Variants in ASIC2 observed in about 807,000 individuals in gnomAD.
ASIC2 encodes acid-sensing ion channel 2.
A neutral mutation model predicts 57.3 loss-of-function variants in ASIC2; 25 were observed. The ratio of observed to expected loss-of-function variants is 0.44; its 90% CI spans 0.32 to 0.61. The LOEUF (loss-of-function observed/expected upper bound fraction) is 0.61, where lower values mean the gene tolerates loss of function less well. ASIC2 is among the 20% of genes least tolerant of loss of function. ASIC2 has a pLI of 0.06. For missense variants in ASIC2, 641 were observed against 738.1 expected (o/e 0.87, Z 1.52); for synonymous variants, 319 against 307.5 (o/e 1.04, Z -0.39).
chr17:33,531,830 C>G (rs1263544905), intron 1 of ASIC2, among the ~76,000 whole-genome samples: 1 of 152,072 alleles, frequency 6.6e-6, no homozygotes, highest in Non-Finnish European at 1.5e-5. Context: ...GAAGCGTTTC[C>G]CTGACTGTCT....
At chr17:33,040,610 T>A (rs1430206061) in intron 3 of ASIC2, among the ~76,000 whole-genome samples, 1 of 152,222 alleles carries the variant, frequency 6.6e-6, no homozygotes, top group East Asian at 1.9e-4. Context: ...CAGAACATGC[T>A]TTCTTCCTTT....
chr17:33,693,371 G>A (rs8069302), intron 1 of ASIC2, among the ~76,000 whole-genome samples: 1 of 152,132 alleles, frequency 6.6e-6, no homozygotes, highest in Non-Finnish European at 1.5e-5. Context: ...CTTGGCCTGA[G>A]CTTGATTACT....
At chr17:33,161,214 G>A (rs1256955973) in intron 1 of ASIC2, among the ~76,000 whole-genome samples, 1 of 152,212 alleles carries the variant, frequency 6.6e-6, no homozygotes, top group Non-Finnish European at 1.5e-5. Context: ...TCCTGCTGGA[G>A]TGAGTAAGAG....
At chr17:34,055,038 T>C (rs1466115774) in intron 1 of ASIC2, among the ~76,000 whole-genome samples, 1 of 152,116 alleles carries the variant, frequency 6.6e-6, no homozygotes, top group African/African-American at 2.4e-5. Context: ...CTTGGCATAC[T>C]TAGCTACCTC....
At chr17:33,399,620 A>G (rs1299768920) in intron 1 of ASIC2, among the ~76,000 whole-genome samples, 3 of 152,196 alleles carry the variant, frequency 2.0e-5, no homozygotes, top group African/African-American at 7.2e-5. Flanking sequence ...ATCAGTCACT[A>G]TGAATCAGCT....
In ASIC2 at chr17:33,462,349, G is replaced by A. The variant is rs35828215; in HGVS notation, c.556-350282C>T. 3.3e-4 allele frequency among the ~76,000 whole-genome samples: 51 copies of A among 152,318 alleles called. 2 individuals are homozygous for A. The highest frequency in any genetic ancestry group is 9.8e-4 in the Admixed American group (15 of 15,304). On this transcript the variant is annotated intron_variant, in intron 1 of 9. Coordinates refer to the ASIC2 transcript ENST00000359872. ...CTAAATTCTAGTCAAAACAGGATAT[G>A]AGTGGAAGAGATGTTTGATTATATT...
At chr17:34,091,306 A>G (rs1910322126) in intron 1 of ASIC2, among the ~76,000 whole-genome samples, 1 of 152,240 alleles carries the variant, frequency 6.6e-6, no homozygotes, top group South Asian at 2.1e-4. Flanking sequence ...CACATCCAGG[A>G]GGGAGCAGTT....
chr17:33,038,086 G>A (rs2091916438), intron 3 of ASIC2, among the ~76,000 whole-genome samples: 1 of 152,212 alleles, frequency 6.6e-6, no homozygotes, highest in African/African-American at 2.4e-5. Flanking sequence ...TCTCTTTCAT[G>A]AGACAGCTGT....
intron 1 of ASIC2, among the ~76,000 whole-genome samples, chr17:33,261,296 C>T (rs1909271482): frequency 6.6e-6 from 1 of 152,224 alleles, no homozygotes; most frequent in Non-Finnish European, 1.5e-5. Flanking sequence ...TTCCCCTCAT[C>T]ACCCACTCAC....
intron 1 of ASIC2, among the ~76,000 whole-genome samples, chr17:33,540,991 T>C (rs751611927): frequency 5.9e-5 from 9 of 152,204 alleles, no homozygotes; most frequent in Non-Finnish European, 1.3e-4. Context: ...AAAAAGAGAA[T>C]CCTTCATTAC....
intron 1 of ASIC2, among the ~76,000 whole-genome samples, chr17:34,064,910 A>T (rs1160261462): frequency 1.3e-5 from 2 of 152,224 alleles, no homozygotes; most frequent in Non-Finnish European, 2.9e-5. Context: ...GTGAACAGGG[A>T]ACACTTCCAC....
At chr17:33,953,212 T>G (rs34099440) in intron 1 of ASIC2, among the ~76,000 whole-genome samples, 2,258 of 152,306 alleles carry the variant, frequency 0.015, 74 homozygotes, top group African/African-American at 0.051. Context: ...CCTACCTTTT[T>G]ATATACACGT....
Position 33,428,436 on chromosome 17 carries a change from T to C in ASIC2, c.556-316369A>G, listed in dbSNP as rs537016038. On this transcript the variant is annotated intron_variant, in intron 1 of 9. Transcript: ENST00000359872. ...GATTAGGTATAGGGTATTGCCTCAA[T>C]TTCCAGGGCTAAAACTTGGTTTACG... Among the ~76,000 whole-genome samples, 5 of 152,296 alleles carry C rather than the reference T, an allele frequency of 3.3e-5. No individual in the cohort carries two copies. The South Asian group carries it at 8.3e-4, about 25-fold the overall frequency.
At chr17:33,544,282 C>A (rs9889836) in intron 1 of ASIC2, among the ~76,000 whole-genome samples, 1 of 152,098 alleles carries the variant, frequency 6.6e-6, no homozygotes, top group Non-Finnish European at 1.5e-5. Context: ...TGTTCGTCCA[C>A]GCACCAGCTG....
At position 33,292,708 on chromosome 17, in the gene ASIC2, G is replaced by A. The variant is rs542930591; in HGVS notation, c.-593C>T. 4 of 985,580 alleles carry A rather than the reference G, an allele frequency of 4.1e-6. No individual in the cohort carries two copies. In the East Asian group the frequency reaches 4.6e-4, roughly 112 times the overall value. 61.1% of individuals were successfully genotyped at this position (985,580 alleles called of 1,614,324 possible). On this transcript the variant is annotated 5_prime_UTR_variant, in exon 1 of 10. Coordinates refer to ENST00000225823, the MANE Select transcript of ASIC2 (RefSeq NM_183377.2). ...GGCGCACCGCGGCTCCTGGCTGGGCGGGCGGGGTGGGTGTGTACGGGGGTG... is the reference window on the plus strand; with the variant it reads ...GGCGCACCGCGGCTCCTGGCTGGGCAGGCGGGGTGGGTGTGTACGGGGGTG...
At chr17:34,122,447 G>A (rs1263652893) in intron 1 of ASIC2, among the ~76,000 whole-genome samples, 2 of 152,204 alleles carry the variant, frequency 1.3e-5, no homozygotes, top group Non-Finnish European at 2.9e-5. Flanking sequence ...GAATGCAAAT[G>A]GAGACCTCCC....
Position 33,544,199 on chromosome 17 carries a change from C to T in ASIC2, c.556-432132G>A, listed in dbSNP as rs1020380008. ...TGGTTTTGAGATTCATCCATGTGGTCGCCTGTGTCACCAGTCTGTTCCTTT... is the reference window on the plus strand; with the variant it reads ...TGGTTTTGAGATTCATCCATGTGGTTGCCTGTGTCACCAGTCTGTTCCTTT... On this transcript the variant is annotated intron_variant, in intron 1 of 9. Transcript: ENST00000359872. Among the ~76,000 whole-genome samples, 6 of 152,224 alleles carry T rather than the reference C, an allele frequency of 3.9e-5. No individual in the cohort carries two copies. In the East Asian group the frequency reaches 7.7e-4, roughly 20 times the overall value.
At chr17:33,578,768 G>A (rs1335989298) in intron 1 of ASIC2, among the ~76,000 whole-genome samples, 1 of 147,754 alleles carries the variant, frequency 6.8e-6, no homozygotes, top group Non-Finnish European at 1.5e-5. Context: ...CACCTGGAAG[G>A]TGCTGATTTC....
rs2092340177 is a variant in ASIC2 at position 33,130,200 on chromosome 17, T to TACATGACCTGTA, written c.709-18134_709-18133insTACAGGTCATGT. ...ATTTCCCAAAACAATACAGGTAAGG[T>TACATGACCTGTA]TTGTGCAGGTCAATGTACATGAATT... On this transcript the variant is annotated intron_variant, in intron 1 of 9. Coordinates refer to ENST00000225823, the MANE Select transcript of ASIC2 (RefSeq NM_183377.2). Among the ~76,000 whole-genome samples, 6 of 152,056 alleles carry TACATGACCTGTA rather than the reference T, an allele frequency of 3.9e-5. No homozygotes were observed. The South Asian group carries it at 1.0e-3, about 26-fold the overall frequency.
Sources: gnomAD v4.1 joint callset for allele counts (sites outside exome capture counted in the v4.1 genomes callset) on GRCh38, gnomAD v4.1.1 for gene constraint, MANE v1.5 for transcripts, NCBI Gene and HGNC (gene_info 2026-07-23, HGNC 2026-07-21) for gene names.